The following PRR14L variants were observed in gnomAD, a reference collection of about 807,000 sequenced individuals.
The protein encoded by PRR14L is proline rich 14 like.
PRR14L carries 80 observed loss-of-function variants against 155.0 expected under a neutral mutation model. The observed-to-expected ratio is 0.52, with a 90% CI of 0.43 to 0.62. The LOEUF (loss-of-function observed/expected upper bound fraction) is 0.62, where lower values mean the gene tolerates loss of function less well. PRR14L is among the 20% of genes least tolerant of loss of function. The pLI is 0.00. For synonymous variants in PRR14L, 883 were observed against 916.0 expected, an observed-to-expected ratio of 0.96 and a Z score of 0.65; for missense variants, 2,469 against 2,548.0, an observed-to-expected ratio of 0.97 and a Z score of 0.67.
intron 1 of PRR14L, among the ~76,000 whole-genome samples, chr22:31,746,667 CA>C (rs1050673525): frequency 3.3e-5 from 5 of 152,218 alleles, no homozygotes; most frequent in African/African-American, 1.2e-4. Context: ...GATTTATTCC[CA>C]AAAACTGACT....
chr22:31,743,670 C>T (rs1402724190), intron 1 of PRR14L, among the ~76,000 whole-genome samples: 1 of 151,704 alleles, frequency 6.6e-6, no homozygotes, highest in Admixed American at 6.6e-5. Context: ...GGCATGTTGG[C>T]GAACGCCTGT....
In PRR14L at chr22:31,683,398, G is replaced by A. The variant is rs111634119; in HGVS notation, c.*2129C>T. The stretch of plus-strand genomic sequence containing the variant: ...TGTCCAGTAGGAGCTCCTTAAACAT[G>A]CCTGGACAAGGGCAAAATGTACTAC... On this transcript the variant is annotated 3_prime_UTR_variant, in exon 9 of 9. Transcript: ENST00000327423. The A allele has an allele frequency of 2.6e-5, 4 of 152,320 alleles. No homozygotes were observed. Among genetic ancestry groups the A allele is most frequent in the African/African-American group, 7.2e-5 (3 of 41,556 alleles). 9.4% of individuals were successfully genotyped at this position (152,320 alleles called of 1,614,324 possible).
chr22:31,725,348 G>A lies in PRR14L; in HGVS notation c.547+190C>T, dbSNP rs150082557. On this transcript the variant is annotated intron_variant, in intron 3 of 8. Transcript: ENST00000327423. ...TTGAGCCCGGGAGGTTGAGGCTGCA[G>A]TGCACTGTGCAAGTACATCCATGGG... Among the ~76,000 whole-genome samples the A allele has an allele frequency of 2.1e-3, 322 of 152,300 alleles. 1 individual carries two copies. Among genetic ancestry groups the A allele is most frequent in the Middle Eastern group, 0.014 (4 of 294 alleles).
chr22:31,690,689 T>C (rs2074506681), intron 7 of PRR14L, among the ~76,000 whole-genome samples: 1 of 151,816 alleles, frequency 6.6e-6, no homozygotes, highest in Non-Finnish European at 1.5e-5. Flanking sequence ...TCGCCCAGGC[T>C]GGAGTGCAGT....
At chr22:31,687,686 C>A (rs898451111) in intron 8 of PRR14L, among the ~76,000 whole-genome samples, 9 of 151,532 alleles carry the variant, frequency 5.9e-5, no homozygotes, top group African/African-American at 2.2e-4. Context: ...CACTTTATTT[C>A]CTATCCTATT....
rs552295482 is a variant in PRR14L, at chr22:31,716,696, A to G, written c.1143T>C (p.Tyr381=). 7 of 1,551,726 alleles carry G rather than the reference A, an allele frequency of 4.5e-6. No homozygotes were observed. Among genetic ancestry groups the G allele is most frequent in the African/African-American group, 2.7e-5 (2 of 73,100 alleles). Residue 381 remains tyrosine (Y), a synonymous_variant, in exon 4 of 9, where the codon TAT becomes TAC. Transcript: ENST00000327423. ...KRSAEKTDSS[Y]FYRGDDQGKN... Reference sequence around the variant, plus strand: ...TCCCTTGATCATCCCCCCTATAAAAATAAGAACTGTCTGTCTTTTCAGCAG... The same window carrying G: ...TCCCTTGATCATCCCCCCTATAAAAGTAAGAACTGTCTGTCTTTTCAGCAG...
intron 2 of PRR14L, among the ~76,000 whole-genome samples, chr22:31,734,271 CAA>C (rs1471376459): frequency 3.3e-5 from 5 of 151,990 alleles, no homozygotes; most frequent in Non-Finnish European, 7.4e-5. Context: ...ACACCTAGCC[CAA>C]GTCTTATCAT....
intron 1 of PRR14L, among the ~76,000 whole-genome samples, chr22:31,743,225 C>G (rs1382173569): frequency 2.0e-5 from 3 of 152,006 alleles, no homozygotes; most frequent in African/African-American, 7.2e-5. Flanking sequence ...TCACTTGAAC[C>G]TGGGAGGCAG....
rs191120133 is a variant in PRR14L, at chr22:31,722,810, G to A, written c.547+2728C>T. On this transcript the variant is annotated intron_variant, in intron 3 of 8. Transcript: ENST00000327423. ...GCCTCCCAAAGTGCTGGGATTACAG[G>A]TGTAAGCCACTGCGCCCAGCCGGCA... 3.2e-4 allele frequency among the ~76,000 whole-genome samples: 48 copies of A among 152,276 alleles called. 1 individual carries two copies. Among genetic ancestry groups the A allele is most frequent in the Admixed American group, 3.1e-3 (47 of 15,276 alleles).
At chr22:31,690,783 A>T (rs1036534252) in intron 7 of PRR14L, among the ~76,000 whole-genome samples, 3 of 151,530 alleles carry the variant, frequency 2.0e-5, no homozygotes, top group African/African-American at 7.3e-5. Context: ...CTGGGACTAC[A>T]GGCATGCACC....
At chr22:31,737,486 A>G (rs1387825664) in intron 2 of PRR14L, among the ~76,000 whole-genome samples, 1 of 151,866 alleles carries the variant, frequency 6.6e-6, no homozygotes, top group Non-Finnish European at 1.5e-5. Flanking sequence ...GTCTCAAAAA[A>G]AAGAAAAAAG....
chr22:31,749,854 C>A (rs182100937), intron 1 of PRR14L, 139 bp downstream of exon 1: 1,929 of 152,526 alleles, frequency 0.013, 14 homozygotes, highest in Middle Eastern at 0.03. Flanking sequence ...GCCCACAGGG[C>A]AGCCTTGGTT....
intron 3 of PRR14L, among the ~76,000 whole-genome samples, chr22:31,719,855 G>A (rs1216500308): frequency 1.3e-5 from 2 of 151,584 alleles, no homozygotes; most frequent in African/African-American, 4.9e-5. Context: ...TCTCACCTCC[G>A]CCTCCCAAGG....
At chr22:31,704,395 G>A (rs1569497879) in intron 5 of PRR14L, 2 of 310,424 alleles carry the variant, frequency 6.4e-6, no homozygotes, top group Non-Finnish European at 1.2e-5. Flanking sequence ...GCTTGAGAGG[G>A]GACTTCTGGT....
At position 31,701,735 on chromosome 22, in the gene PRR14L, C is replaced by T; in HGVS notation, c.6028G>A (p.Val2010Ile). The change falls in exon 7 of 9, where the codon GTC becomes ATC. Residue 2010 changes from valine (V) to isoleucine (I), a missense_variant. Val to Ile is a conservative substitution (Grantham distance 29). Coordinates refer to ENST00000327423, the MANE Select transcript of PRR14L (RefSeq NM_173566.3). ...EAEPEKRPKK[V>I]SQIRIRKTIP... ...GTTTTCCGGATGCGAATCTGTGAGA[C>T]TTTCTTTGGCCTCTTCTCTGGCTCA... 1 of 1,614,036 alleles carries T rather than the reference C, an allele frequency of 6.2e-7. No individual in the cohort carries two copies. The highest frequency in any genetic ancestry group is 8.5e-7 in the Non-Finnish European group (1 of 1,179,904).
rs2074663817 is a variant in PRR14L, at chr22:31,716,941, ACAAC to A, written c.894_897del (p.Glu298AspfsTer38). ...GCTTCACAGACCAGGTTTGGTTTAC[ACAAC>A]TCTTCCTTCCCATTGTCCACATTAG... On this transcript the variant is annotated frameshift_variant, in exon 4 of 9. Coordinates refer to ENST00000327423, the MANE Select transcript of PRR14L (RefSeq NM_173566.3). LOFTEE classifies it high-confidence loss of function. 2 of 1,551,898 alleles carry A rather than the reference ACAAC, an allele frequency of 1.3e-6. No individual in the cohort carries two copies. The highest frequency in any genetic ancestry group is 2.7e-5 in the African/African-American group (2 of 73,054).
At chr22:31,737,322 A>T (rs993474900) in intron 2 of PRR14L, among the ~76,000 whole-genome samples, 1 of 151,792 alleles carries the variant, frequency 6.6e-6, no homozygotes, top group African/African-American at 2.4e-5. Flanking sequence ...CTCTACTAAA[A>T]CTACAAAAAT....
chr22:31,691,570 T>G (rs2074511848), intron 7 of PRR14L, among the ~76,000 whole-genome samples: 1 of 152,204 alleles, frequency 6.6e-6, no homozygotes, highest in Non-Finnish European at 1.5e-5. Context: ...AGCAGTCACC[T>G]GGACTCTCCC....
intron 7 of PRR14L, among the ~76,000 whole-genome samples, chr22:31,697,118 AAAACAAACAAAC>A (rs147706528): frequency 1.5e-4 from 22 of 151,068 alleles, no homozygotes; most frequent in Non-Finnish European, 2.9e-4. Context: ...TCCTTCTCAA[AAAACAAACAAAC>A]AAACAAACAA....
Sources: gnomAD v4.1 joint callset for allele counts (sites outside exome capture counted in the v4.1 genomes callset) on GRCh38, gnomAD v4.1.1 for gene constraint, MANE v1.5 for transcripts, NCBI Gene and HGNC (gene_info 2026-07-23, HGNC 2026-07-21) for gene names.